Variants in PCDH15 observed in about 807,000 individuals in gnomAD.
PCDH15 encodes protocadherin-15.
Under a neutral mutation model 178.5 loss-of-function variants are expected in PCDH15, and 129 were observed. The ratio of observed to expected loss-of-function variants is 0.72; its 90% CI spans 0.63 to 0.84. PCDH15 has a LOEUF of 0.84. PCDH15 is among the 40% of genes least tolerant of loss of function. The pLI is 0.00. For missense variants in PCDH15, 2,230 were observed against 2,099.9 expected (o/e 1.06, Z -1.21); for synonymous variants, 800 against 732.0 (o/e 1.09, Z -1.50).
chr10:54,778,947 A>G (rs1433737450), intron 1 of PCDH15, among the ~76,000 whole-genome samples: 3 of 152,084 alleles, frequency 2.0e-5, no homozygotes, highest in African/African-American at 7.2e-5. Context: ...GTTGGGTTTC[A>G]TTCCTTTCCT....
At chr10:54,725,728 G>A (rs1942401626) in intron 1 of PCDH15, among the ~76,000 whole-genome samples, 1 of 151,130 alleles carries the variant, frequency 6.6e-6, no homozygotes, top group African/African-American at 2.4e-5. Context: ...CACAAAATGA[G>A]CACATTCAAG....
At chr10:53,962,502 C>T (rs2088464216) in intron 21 of PCDH15, among the ~76,000 whole-genome samples, 1 of 152,134 alleles carries the variant, frequency 6.6e-6, no homozygotes, top group Admixed American at 6.6e-5. Context: ...GGTTAATGCT[C>T]AATCTTTTAA....
intron 1 of PCDH15, among the ~76,000 whole-genome samples, chr10:54,672,738 T>A (rs1461595549): frequency 8.8e-6 from 1 of 113,332 alleles, no homozygotes; most frequent in Non-Finnish European, 2.0e-5. Flanking sequence ...TGAGATTTTA[T>A]TTTATATATG....
chr10:55,217,835 G>T (rs1167422453), intron 1 of PCDH15, among the ~76,000 whole-genome samples: 1 of 151,892 alleles, frequency 6.6e-6, no homozygotes, highest in Non-Finnish European at 1.5e-5. Flanking sequence ...GGGGTGAACT[G>T]CTGGAAAAAA....
chr10:54,073,911 C>T (rs1192679538), intron 17 of PCDH15, among the ~76,000 whole-genome samples: 1 of 152,078 alleles, frequency 6.6e-6, no homozygotes, highest in African/African-American at 2.4e-5. Flanking sequence ...ATTTTTCTAC[C>T]CACTGTTGCT....
intron 1 of PCDH15, among the ~76,000 whole-genome samples, chr10:54,736,495 G>GT (rs1385330110): frequency 1.3e-5 from 2 of 149,386 alleles, no homozygotes; most frequent in Admixed American, 1.3e-4. Flanking sequence ...TACACATGTT[G>GT]TTGTACTTAT....
intron 1 of PCDH15, among the ~76,000 whole-genome samples, chr10:54,775,337 T>C (rs1949568336): frequency 6.6e-6 from 1 of 152,180 alleles, no homozygotes; most frequent in Non-Finnish European, 1.5e-5. Context: ...CAACTGATAG[T>C]TTTTTAGTTT....
At chr10:55,258,758 C>CTTTTT (rs11398382) in intron 1 of PCDH15, among the ~76,000 whole-genome samples, 11 of 108,126 alleles carry the variant, frequency 1.0e-4, no homozygotes, top group South Asian at 3.3e-4. Flanking sequence ...TGTTTGTCTG[C>CTTTTT]TTTTTTTTTT....
intron 2 of PCDH15, among the ~76,000 whole-genome samples, chr10:54,542,364 T>G (rs1277581942): frequency 6.6e-6 from 1 of 152,214 alleles, no homozygotes; most frequent in African/African-American, 2.4e-5. Flanking sequence ...TACAGGTAAC[T>G]GGAAATTTAG....
chr10:54,405,957 T>C (rs1347181961), intron 3 of PCDH15, among the ~76,000 whole-genome samples: 1 of 152,050 alleles, frequency 6.6e-6, no homozygotes, highest in Non-Finnish European at 1.5e-5. Context: ...ACCATATTGG[T>C]CTGCTTCTTT....
intron 2 of PCDH15, among the ~76,000 whole-genome samples, chr10:55,063,356 C>A (rs968679480): frequency 1.3e-5 from 2 of 152,068 alleles, no homozygotes; most frequent in Non-Finnish European, 2.9e-5. Flanking sequence ...CATTCCTAAT[C>A]TCTCTATTTT....
chr10:55,561,297 A>G (rs893090037), intron 2 of PCDH15, among the ~76,000 whole-genome samples: 3 of 151,998 alleles, frequency 2.0e-5, no homozygotes, highest in African/African-American at 7.2e-5. Context: ...AGTTTTCAAA[A>G]CTAGATTAAT....
At chr10:53,992,442 CTAAAATATA>C (rs1247768456) in intron 21 of PCDH15, among the ~76,000 whole-genome samples, 7 of 152,086 alleles carry the variant, frequency 4.6e-5, no homozygotes, top group Non-Finnish European at 7.4e-5. Context: ...TTATAAATTC[CTAAAATATA>C]TAAAATATAA....
intron 21 of PCDH15, among the ~76,000 whole-genome samples, chr10:53,984,300 C>T (rs1006419324): frequency 6.6e-6 from 1 of 151,768 alleles, no homozygotes; most frequent in Non-Finnish European, 1.5e-5. Flanking sequence ...CAGGCGCCCA[C>T]CACCATGCTC....
chr10:54,213,847 A>G, intron 10 of PCDH15, 89 bp downstream of exon 10: 2 of 842,000 alleles, frequency 2.4e-6, no homozygotes, highest in Non-Finnish European at 3.8e-6. Flanking sequence ...TTTTAATTTT[A>G]TAACATAAAA....
At chr10:54,970,807 T>G (rs925946641) in intron 2 of PCDH15, among the ~76,000 whole-genome samples, 4 of 152,184 alleles carry the variant, frequency 2.6e-5, no homozygotes, top group Non-Finnish European at 5.9e-5. Context: ...TTCACAGGCC[T>G]CAAGATTTAA....
chr10:54,055,879 AT>A (rs1396321192), intron 18 of PCDH15, among the ~76,000 whole-genome samples: 24 of 152,260 alleles, frequency 1.6e-4, no homozygotes, highest in African/African-American at 5.8e-4. Flanking sequence ...CAGACTGATG[AT>A]TGAATTCACA....
At chr10:54,711,175 C>T (rs556119554) in intron 1 of PCDH15, among the ~76,000 whole-genome samples, 23 of 152,068 alleles carry the variant, frequency 1.5e-4, no homozygotes, top group African/African-American at 5.5e-4. Context: ...TGAACAAATA[C>T]TCAGAAGAGT....
At chr10:54,991,564 A>G (rs1225664626) in intron 2 of PCDH15, among the ~76,000 whole-genome samples, 4 of 152,178 alleles carry the variant, frequency 2.6e-5, no homozygotes, top group Non-Finnish European at 5.9e-5. Flanking sequence ...GGTTGATCAG[A>G]AGATGAGATT....
Sources: gnomAD v4.1 joint callset for allele counts (sites outside exome capture counted in the v4.1 genomes callset) on GRCh38, gnomAD v4.1.1 for gene constraint, MANE v1.5 for transcripts, NCBI Gene and HGNC (gene_info 2026-07-23, HGNC 2026-07-21) for gene names.